The following TUSC3 variants were observed in gnomAD, a reference collection of about 807,000 sequenced individuals.
TUSC3 encodes the protein tumor suppressor candidate 3.
TUSC3 carries 45 observed loss-of-function variants against 44.8 expected under a neutral mutation model. The ratio of observed to expected loss-of-function variants is 1.00; its 90% CI spans 0.79 to 1.29. TUSC3 has a LOEUF of 1.29. Among genes scored for constraint, TUSC3 ranks in the 50% most tolerant of loss-of-function variants. The pLI is 0.00. For missense variants in TUSC3, 519 were observed against 437.9 expected (o/e 1.19, Z -1.65); for synonymous variants, 212 against 152.9 (o/e 1.39, Z -2.85).
At chr8:15,706,663 A>G (rs948920617) in intron 6 of TUSC3, among the ~76,000 whole-genome samples, 2 of 152,056 alleles carry the variant, frequency 1.3e-5, no homozygotes, top group Non-Finnish European at 2.9e-5. Context: ...ACAAGATGTT[A>G]ATATACGAAT....
chr8:15,518,408 G>A (rs539986200), intron 2 of TUSC3, among the ~76,000 whole-genome samples: 2 of 152,152 alleles, frequency 1.3e-5, no homozygotes, highest in South Asian at 4.1e-4. Flanking sequence ...AAAATAGTAG[G>A]AAAAATAGAA....
At chr8:15,432,668 C>T (rs551600409) in intron 1 of TUSC3, among the ~76,000 whole-genome samples, 1 of 152,100 alleles carries the variant, frequency 6.6e-6, no homozygotes, top group South Asian at 2.1e-4. Flanking sequence ...CTCTGTAGTG[C>T]TATGGTTATG....
chr8:15,754,962 T>TGA (rs1255139292), intron 9 of TUSC3, among the ~76,000 whole-genome samples: 1 of 152,136 alleles, frequency 6.6e-6, no homozygotes, highest in Admixed American at 6.6e-5. Context: ...TACTTCATAG[T>TGA]ACTTTCAAAA....
the TUSC3 span, among the ~76,000 whole-genome samples, chr8:15,780,851 T>C: frequency 4.6e-5 from 7 of 152,206 alleles, no homozygotes; most frequent in African/African-American, 1.7e-4. Context: ...AATATGTAAG[T>C]TTCCCTAAGT....
chr8:15,797,003 C>T, the TUSC3 span, among the ~76,000 whole-genome samples: 4 of 152,148 alleles, frequency 2.6e-5, no homozygotes, highest in East Asian at 1.9e-4. Context: ...CTGCATTCAC[C>T]GTTCCCATTG....
At chr8:15,710,432 G>A (rs2129199360) in intron 6 of TUSC3, among the ~76,000 whole-genome samples, 1 of 151,880 alleles carries the variant, frequency 6.6e-6, no homozygotes, top group East Asian at 1.9e-4. Context: ...GAGTGGAAAT[G>A]AGTTCTGACC....
At chr8:15,661,264 T>G (rs1348972008) in intron 4 of TUSC3, among the ~76,000 whole-genome samples, 3 of 152,062 alleles carry the variant, frequency 2.0e-5, no homozygotes, top group Non-Finnish European at 4.4e-5. Flanking sequence ...CCTAATACCC[T>G]TTACATTGTC....
the TUSC3 span, among the ~76,000 whole-genome samples, chr8:15,789,942 G>C: frequency 6.6e-6 from 1 of 152,154 alleles, no homozygotes; most frequent in African/African-American, 2.4e-5. Flanking sequence ...AAGTGAGCTG[G>C]TGGTGGTAGA....
chr8:15,723,377 C>T (rs1810380066), intron 6 of TUSC3, among the ~76,000 whole-genome samples: 1 of 152,068 alleles, frequency 6.6e-6, no homozygotes, highest in Non-Finnish European at 1.5e-5. Flanking sequence ...TCATAAAGAA[C>T]TGTTTTATTT....
chr8:15,535,755 G>T (rs1428530067), upstream of TUSC3, among the ~76,000 whole-genome samples: 2 of 152,178 alleles, frequency 1.3e-5, no homozygotes, highest in Admixed American at 6.5e-5. Context: ...ACTATAAAAA[G>T]TTAAGGAGTG....
At chr8:15,582,725 C>A (rs1024901353) in intron 1 of TUSC3, among the ~76,000 whole-genome samples, 23 of 152,180 alleles carry the variant, frequency 1.5e-4, no homozygotes, top group African/African-American at 5.5e-4. Flanking sequence ...CTGGTGTAAC[C>A]TGAAACCAGT....
At chr8:15,774,067 T>A in the TUSC3 span, among the ~76,000 whole-genome samples, 3 of 152,164 alleles carry the variant, frequency 2.0e-5, no homozygotes, top group East Asian at 5.8e-4. Flanking sequence ...TAAAAACTTT[T>A]GTGCATTAAA....
intron 6 of TUSC3, among the ~76,000 whole-genome samples, chr8:15,683,272 C>A (rs3940343): frequency 2.6e-5 from 4 of 152,010 alleles, no homozygotes; most frequent in African/African-American, 9.7e-5. Context: ...CTCTTAAGAA[C>A]GCACAATGAA....
the TUSC3 span, among the ~76,000 whole-genome samples, chr8:15,837,026 A>G: frequency 6.6e-6 from 1 of 152,198 alleles, no homozygotes; most frequent in Admixed American, 6.5e-5. Flanking sequence ...CTGATTTTTC[A>G]TTCTTTTATC....
At chr8:15,614,216 C>T (rs1169558796) in intron 1 of TUSC3, among the ~76,000 whole-genome samples, 2 of 151,704 alleles carry the variant, frequency 1.3e-5, no homozygotes, top group African/African-American at 4.8e-5. Flanking sequence ...TTTTAATCAC[C>T]TCATGGAAAC....
intron 6 of TUSC3, among the ~76,000 whole-genome samples, chr8:15,711,283 C>G (rs1367331242): frequency 1.3e-5 from 2 of 151,630 alleles, no homozygotes; most frequent in African/African-American, 4.8e-5. Context: ...TTGTAGGATT[C>G]CTAGAATTTC....
intron 2 of TUSC3, among the ~76,000 whole-genome samples, chr8:15,484,235 T>G (rs1222449132): frequency 6.6e-6 from 1 of 152,340 alleles, no homozygotes; most frequent in South Asian, 2.1e-4. Context: ...AATTGTTTTC[T>G]AAATCCTTCT....
At chr8:15,641,375 A>G (rs1353722206) in intron 2 of TUSC3, among the ~76,000 whole-genome samples, 1 of 151,800 alleles carries the variant, frequency 6.6e-6, no homozygotes, top group Non-Finnish European at 1.5e-5. Flanking sequence ...AAAAAAAAAA[A>G]AAAAGAAAAG....
intron 2 of TUSC3, 38 bp downstream of exon 2, chr8:15,623,287 T>A: frequency 6.5e-7 from 1 of 1,528,028 alleles, no homozygotes; most frequent in South Asian, 1.3e-5. Context: ...AAACTATTAT[T>A]CTTGGTTTAC....
Sources: gnomAD v4.1 joint callset for allele counts (sites outside exome capture counted in the v4.1 genomes callset) on GRCh38, gnomAD v4.1.1 for gene constraint, MANE v1.5 for transcripts, NCBI Gene and HGNC (gene_info 2026-07-23, HGNC 2026-07-21) for gene names.